Variants in MYO5A observed in about 807,000 individuals in gnomAD.
MYO5A encodes the protein unconventional myosin-Va.
A neutral mutation model predicts 249.7 loss-of-function variants in MYO5A; 98 were observed. The ratio of observed to expected loss-of-function variants is 0.39; its 90% confidence interval spans 0.33 to 0.46. MYO5A has a LOEUF of 0.46. Ranked by LOEUF, MYO5A falls within the 20% of genes least tolerant of loss-of-function variation. The probability of loss-of-function intolerance (pLI) is 0.98; values close to 1 mark genes in which losing one functional copy is unlikely to be tolerated. For missense variants in MYO5A, 1,696 were observed against 2,308.8 expected (o/e 0.73, Z 5.44); for synonymous variants, 778 against 810.6 (o/e 0.96, Z 0.68).
chr15:52,384,961 T>C (rs773502471), intron 14 of MYO5A, among the ~76,000 whole-genome samples: 17 of 152,250 alleles, frequency 1.1e-4, no homozygotes, highest in Non-Finnish European at 1.8e-4. Flanking sequence ...GTACATTTGA[T>C]ATTTGTTTTC....
chr15:52,392,905 A>G (rs753081750), intron 11 of MYO5A, among the ~76,000 whole-genome samples: 3 of 152,260 alleles, frequency 2.0e-5, no homozygotes, highest in Non-Finnish European at 2.9e-5. Flanking sequence ...GTGAACTATA[A>G]GAGCAAGAGT....
intron 14 of MYO5A, 61 bp from the exon 15 acceptor site, chr15:52,384,383 C>G (rs965442692): frequency 1.8e-5 from 27 of 1,506,066 alleles, no homozygotes; most frequent in Admixed American, 1.5e-4. Context: ...CAAACCTTCA[C>G]AAAAGAAATA....
chr15:52,505,330 G>A (rs747606950), intron 1 of MYO5A: 45 of 777,536 alleles, frequency 5.8e-5, no homozygotes, highest in African/African-American at 4.9e-4. Context: ...ACTGCCTGCC[G>A]ACTTGTGTCA....
At chr15:52,473,427 T>G (rs2141460461) in intron 1 of MYO5A, among the ~76,000 whole-genome samples, 1 of 152,364 alleles carries the variant, frequency 6.6e-6, no homozygotes. Context: ...TTTTGGCTTT[T>G]GTTGCCATTG....
At position 52,379,854 on chromosome 15, in the gene MYO5A, G is replaced by C. The variant is rs111806567; in HGVS notation, c.2067C>G (p.Thr689=). 1.6e-3 allele frequency: 2,609 copies of C among 1,614,120 alleles called. 5 individuals carry two copies. Among genetic ancestry groups the C allele is most frequent in the Non-Finnish European group, 2.0e-3 (2,321 of 1,180,022 alleles). Residue 689 remains threonine (T), a synonymous_variant, in exon 17 of 42, where the codon ACC becomes ACG. Transcript: ENST00000399233. ...GGAAACCGGCCGCACTGATTCGGAT[G>C]GTTTCCAGGACACCACATGCTCTCA... ...QQLRACGVLE[T]IRISAAGFPS...
At chr15:52,498,423 G>A (rs1284599615) in intron 1 of MYO5A, among the ~76,000 whole-genome samples, 1 of 152,030 alleles carries the variant, frequency 6.6e-6, no homozygotes, top group African/African-American at 2.4e-5. Flanking sequence ...TAGAAAGACT[G>A]AACGAATTTT....
chr15:52,486,207 T>C (rs56271524), intron 1 of MYO5A, among the ~76,000 whole-genome samples: 22,846 of 152,154 alleles, frequency 0.15, 1,829 homozygotes, highest in Middle Eastern at 0.22. Context: ...CTGTTCTCTG[T>C]TTGCCATGTC....
rs2037674968 is a variant in MYO5A, at chr15:52,308,169, A to C, written c.*5527T>G. The C allele has an allele frequency of 6.6e-6, 1 of 152,200 alleles. No homozygotes were observed. Among genetic ancestry groups the C allele is most frequent in the African/African-American group, 2.4e-5 (1 of 41,458 alleles). 9.4% of individuals were successfully genotyped at this position (152,200 alleles called of 1,614,324 possible). A position where few individuals can be genotyped will look rare whatever the true frequency, so the allele number is the denominator to read the frequency against. On this transcript the variant is annotated 3_prime_UTR_variant, in exon 42 of 42. Transcript: ENST00000399233. ...TTACAATACTGAGGAAACGTTAGTC[A>C]TATGAATCCAATAACGCCCATTAAG...
chr15:52,352,163 T>C (rs1407077307), intron 27 of MYO5A, among the ~76,000 whole-genome samples: 4 of 152,180 alleles, frequency 2.6e-5, no homozygotes, highest in African/African-American at 7.2e-5. Flanking sequence ...GATATGCACA[T>C]CCTCATCCCT....
chr15:52,450,365 A>C (rs1236176749), intron 1 of MYO5A, among the ~76,000 whole-genome samples: 1 of 150,298 alleles, frequency 6.7e-6, no homozygotes, highest in East Asian at 2.0e-4. Flanking sequence ...ATATTCTTTA[A>C]AAAAAAAAAT....
At position 52,392,785 on chromosome 15, in the gene MYO5A, G is replaced by C. The variant is rs1274817390; in HGVS notation, c.1402-715C>G. Among the ~76,000 whole-genome samples, 4 of 152,268 alleles carry C rather than the reference G, an allele frequency of 2.6e-5. No individual in the cohort carries two copies. The East Asian group carries it at 7.7e-4, about 29-fold the overall frequency. ...ACTGCACATGGGCAACAACACCGAT[G>C]TGGATGTTGCCCTCATGGAGCTTGG... On this transcript the variant is annotated intron_variant, in intron 11 of 41. Transcript: ENST00000399233.
At chr15:52,499,246 A>C (rs1475225690) in intron 1 of MYO5A, among the ~76,000 whole-genome samples, 2 of 152,232 alleles carry the variant, frequency 1.3e-5, no homozygotes, top group Non-Finnish European at 2.9e-5. Flanking sequence ...TAAAATAACA[A>C]CTTGCAAAGA....
chr15:52,351,306 A>G lies in MYO5A; in HGVS notation c.3797T>C (p.Val1266Ala). 1 of 1,614,140 alleles carries G rather than the reference A, an allele frequency of 6.2e-7. No individual in the cohort carries two copies. The change falls in exon 28 of 42, where the codon GTC becomes GCC. Residue 1266 changes from valine to alanine, a missense_variant. Transcript: ENST00000399233. ...SEELDVRKEE[V>A]LILRSQLVSQ... The stretch of plus-strand genomic sequence containing the variant: ...CACCAGTTGAGACCTTAAGATGAGG[A>G]CTTCCTCCTTGCGGACATCAAGCTC...
At position 52,405,051 on chromosome 15, in the gene MYO5A, TCA is replaced by T. The variant is rs58764245; in HGVS notation, c.1053+234_1053+235del. 0.14 allele frequency among the ~76,000 whole-genome samples: 20,174 copies of T among 140,002 alleles called. 1,465 individuals are homozygous for T. The highest frequency in any genetic ancestry group is 0.22 in the Admixed American group (3,030 of 13,976). 91.8% of individuals were successfully genotyped at this position (140,002 alleles called of 152,430 possible). ...CCCTCTCTCTTTCTCTCTCTCTCTG[TCA>T]CACACACACACACACACACACACAC... is the stretch of plus-strand genomic sequence containing the variant. On this transcript the variant is annotated intron_variant, in intron 9 of 41. Transcript: ENST00000399233.
At chr15:52,517,997 A>T (rs986934515) in intron 1 of MYO5A, among the ~76,000 whole-genome samples, 1 of 152,180 alleles carries the variant, frequency 6.6e-6, no homozygotes, top group African/African-American at 2.4e-5. Context: ...TCAACTTTTT[A>T]AAAAAGTTTT....
intron 20 of MYO5A, among the ~76,000 whole-genome samples, chr15:52,373,481 G>A (rs1336297279): frequency 6.6e-6 from 1 of 152,156 alleles, no homozygotes; most frequent in Non-Finnish European, 1.5e-5. Flanking sequence ...TTCATCATGA[G>A]TGAGAGAAAT....
At chr15:52,346,071 C>A (rs1372588362) in intron 30 of MYO5A, among the ~76,000 whole-genome samples, 5 of 152,188 alleles carry the variant, frequency 3.3e-5, no homozygotes, top group African/African-American at 1.2e-4. Flanking sequence ...ATGACCTGAG[C>A]AGGTAGTTTT....
chr15:52,507,507 C>T (rs1026810694), intron 1 of MYO5A, among the ~76,000 whole-genome samples: 1 of 152,092 alleles, frequency 6.6e-6, no homozygotes, highest in Non-Finnish European at 1.5e-5. Flanking sequence ...TGTCCTAAAA[C>T]GTTCCAGAAG....
At chr15:52,453,300 A>T (rs565752330) in intron 1 of MYO5A, among the ~76,000 whole-genome samples, 1 of 152,214 alleles carries the variant, frequency 6.6e-6, no homozygotes, top group South Asian at 2.1e-4. Context: ...AAAGACAAAA[A>T]AACCCTGCCA....
Sources: allele counts gnomAD v4.1 joint callset (sites outside exome capture counted in the v4.1 genomes callset), GRCh38; gene constraint gnomAD v4.1.1; transcripts MANE v1.5; gene names NCBI Gene and HGNC (gene_info 2026-07-23, HGNC 2026-07-21).